The following GPBP1L1 variants were observed in gnomAD, a reference collection of about 807,000 sequenced individuals.
GPBP1L1 encodes the protein GC-rich promoter binding protein 1 like 1.
GPBP1L1 carries 23 observed loss-of-function variants against 52.5 expected under a neutral mutation model. That is an observed-to-expected ratio of 0.44 (90% confidence interval 0.32 to 0.62). The LOEUF is 0.62. GPBP1L1 is among the 20% of genes least tolerant of loss of function. The pLI is 0.06. For synonymous variants in GPBP1L1, 243 were observed against 203.1 expected, an observed-to-expected ratio of 1.20 and a Z score of -1.67; for missense variants, 596 against 579.3, an observed-to-expected ratio of 1.03 and a Z score of -0.30.
chr1:45,633,849 T>C, intron 9 of GPBP1L1: 1 of 663,878 alleles, frequency 1.5e-6, no homozygotes, highest in African/African-American at 1.8e-5. Context: ...TGGCACCTCT[T>C]TGATCTTTCT....
At chr1:45,652,231 A>G (rs894106130) in intron 6 of GPBP1L1, among the ~76,000 whole-genome samples, 2 of 152,228 alleles carry the variant, frequency 1.3e-5, no homozygotes, top group African/African-American at 2.4e-5. Flanking sequence ...CTAGTTGAGA[A>G]CCACTAAGCT....
chr1:45,678,761 T>A (rs1043415819), intron 2 of GPBP1L1, among the ~76,000 whole-genome samples: 2 of 152,198 alleles, frequency 1.3e-5, no homozygotes, highest in South Asian at 4.1e-4. Flanking sequence ...ATGGCTTGGA[T>A]AGCTAGCTGT....
In GPBP1L1 at chr1:45,654,717, TC is replaced by T. The variant is rs1644862524; in HGVS notation, c.302del (p.Arg101GlnfsTer6). The T allele has an allele frequency of 6.2e-7, 1 of 1,614,066 alleles. No homozygotes were observed. Among genetic ancestry groups the T allele is most frequent in the Non-Finnish European group, 8.5e-7 (1 of 1,180,044 alleles). On this transcript the variant is annotated frameshift_variant, in exon 6 of 13. Transcript: ENST00000355105. LOFTEE classifies it high-confidence loss of function. Reference sequence around the variant, plus strand: ...TACGTTGGCTCATGCCATCATGACCTCGGGAAGAGCTATGCCAACCAGATGG... The same window carrying T: ...TACGTTGGCTCATGCCATCATGACCTGGGAAGAGCTATGCCAACCAGATGG... Reference protein sequence around the residue: ...GNPSGWHSSSRGHDGMSQRSG... With the variant: ...GNPSGWHSSSXGHDGMSQRSG...
chr1:45,679,241 G>A (rs1197481877), intron 2 of GPBP1L1, among the ~76,000 whole-genome samples: 3 of 152,180 alleles, frequency 2.0e-5, no homozygotes, highest in Non-Finnish European at 2.9e-5. Context: ...TTCAGAGGAC[G>A]AAGCAGAGGC....
In GPBP1L1 at chr1:45,628,372, G is replaced by T; in HGVS notation, c.1309C>A (p.Gln437Lys). The T allele has an allele frequency of 1.2e-6, 2 of 1,614,018 alleles. No homozygotes were observed. Among genetic ancestry groups the T allele is most frequent in the Non-Finnish European group, 1.7e-6 (2 of 1,180,002 alleles). ...RNGFGKNGFL[Q>K]SRSSSLFSPW... ...GAGAACAGACTGGAACTGCGGCTCT[G>T]CAAGAAGCCATTCTTTCCAAAGCCA... is the stretch of plus-strand genomic sequence containing the variant. The change falls in exon 13 of 13, where the codon CAG (glutamine) becomes AAG (lysine). Residue 437 changes from glutamine to lysine, a missense_variant. By Grantham distance (53) the Gln-to-Lys change is moderately conservative. Transcript: ENST00000355105.
intron 6 of GPBP1L1, among the ~76,000 whole-genome samples, chr1:45,650,554 C>A (rs1253927093): frequency 1.3e-5 from 2 of 152,130 alleles, no homozygotes; most frequent in South Asian, 2.1e-4. Flanking sequence ...GTTAATTACA[C>A]GAAACCAATA....
chr1:45,648,581 T>G (rs1412602946), intron 6 of GPBP1L1, among the ~76,000 whole-genome samples: 1 of 152,254 alleles, frequency 6.6e-6, no homozygotes, highest in Non-Finnish European at 1.5e-5. Flanking sequence ...AATGCTAGTA[T>G]TAACCAAGCC....
At chr1:45,640,078 G>C (rs976059931) in intron 8 of GPBP1L1, 132 bp downstream of exon 8, 21 of 614,632 alleles carry the variant, frequency 3.4e-5, no homozygotes, top group Admixed American at 8.7e-5. Flanking sequence ...AAAGAAAGCT[G>C]TATACATATA....
chr1:45,663,981 G>A (rs973297375), intron 2 of GPBP1L1, among the ~76,000 whole-genome samples: 7 of 151,644 alleles, frequency 4.6e-5, no homozygotes, highest in African/African-American at 1.7e-4. Flanking sequence ...AGACAATAGA[G>A]CAGGGTCCTG....
At chr1:45,648,971 A>G (rs1644787316) in intron 6 of GPBP1L1, among the ~76,000 whole-genome samples, 1 of 152,252 alleles carries the variant, frequency 6.6e-6, no homozygotes, top group African/African-American at 2.4e-5. Context: ...CGCAGGTTGC[A>G]GTGAGCCAAG....
At position 45,633,555 on chromosome 1, in the gene GPBP1L1, C is replaced by T. The variant is rs755192059; in HGVS notation, c.978G>A (p.Leu326=). The T allele has an allele frequency of 1.3e-5, 21 of 1,614,034 alleles. No homozygotes were observed. The highest frequency in any genetic ancestry group is 1.7e-5 in the Non-Finnish European group (20 of 1,180,002). The part of the protein sequence containing the change: ...RRTTDRKSEF[L]KTLKDDRNGD... ...CATTCCGGTCATCCTTCAGAGTTTT[C>T]AGGAACTCACTCTTCCTGTCGGTGG... The change falls in exon 10 of 13, where the codon CTG becomes CTA. Residue 326 remains leucine, a synonymous_variant. Transcript: ENST00000355105.
chr1:45,636,680 T>C (rs899764614), intron 8 of GPBP1L1, among the ~76,000 whole-genome samples: 1 of 152,226 alleles, frequency 6.6e-6, no homozygotes, highest in Admixed American at 6.5e-5. Flanking sequence ...AATTAGGATG[T>C]TTCAAAAACT....
chr1:45,649,424 T>C (rs1275009281), intron 6 of GPBP1L1, among the ~76,000 whole-genome samples: 1 of 151,770 alleles, frequency 6.6e-6, no homozygotes, highest in Non-Finnish European at 1.5e-5. Context: ...TTGTTTTTAG[T>C]TGTCATATCT....
At chr1:45,640,573 G>T (rs1376193900) in intron 7 of GPBP1L1, among the ~76,000 whole-genome samples, 170 bp from the exon 8 acceptor site, 1 of 152,104 alleles carries the variant, frequency 6.6e-6, no homozygotes, top group Non-Finnish European at 1.5e-5. Flanking sequence ...GACTACTCAG[G>T]AACTGTACAA....
Position 45,660,874 on chromosome 1 carries a change from T to C in GPBP1L1, c.-746A>G, listed in dbSNP as rs888341436. On this transcript the variant is annotated 5_prime_UTR_variant, in exon 3 of 13. Coordinates refer to ENST00000355105, the MANE Select transcript of GPBP1L1 (RefSeq NM_021639.5). ...AAATAGACAGGAATTTGCTACACTT[T>C]TCCCTCCACGAACAGCAGCTTTCAA... The C allele has an allele frequency of 2.6e-5, 4 of 152,278 alleles. No homozygotes were observed. Among genetic ancestry groups the C allele is most frequent in the African/African-American group, 9.6e-5 (4 of 41,474 alleles). 9.4% of individuals were successfully genotyped at this position (152,278 alleles called of 1,614,324 possible).
chr1:45,658,622 G>C (rs1269541206), intron 4 of GPBP1L1: 1 of 180,880 alleles, frequency 5.5e-6, no homozygotes, highest in Non-Finnish European at 1.1e-5. Context: ...ACACGAGGTT[G>C]AATATATTAA....
chr1:45,655,053 TA>T (rs1644868340), intron 5 of GPBP1L1, 136 bp downstream of exon 5: 2 of 1,134,834 alleles, frequency 1.8e-6, no homozygotes, highest in Non-Finnish European at 2.6e-6. Flanking sequence ...TGTAGTTGCG[TA>T]ATGACTACTA....
intron 2 of GPBP1L1, 46 bp downstream of exon 2, chr1:45,685,526 GCACC>G (rs1481764106): frequency 6.6e-6 from 1 of 152,076 alleles, no homozygotes; most frequent in Admixed American, 6.5e-5. Context: ...CCACCGCACC[GCACC>G]CATTCTTATG....
rs1644871565 is a variant in GPBP1L1 at position 45,655,289 on chromosome 1, C to T, written c.91G>A (p.Glu31Lys). 1 of 1,614,052 alleles carries T rather than the reference C, an allele frequency of 6.2e-7. No individual in the cohort carries two copies. The highest frequency in any genetic ancestry group is 2.2e-5 in the East Asian group (1 of 44,876). The change falls in exon 5 of 13, where the codon GAG becomes AAG. Residue 31 changes from glutamate to lysine, a missense_variant. Transcript: ENST00000355105. The stretch of plus-strand genomic sequence containing the variant: ...CTACCTTCTCCTCTGGGTAGGTGCT[C>T]TCCGTGTTTTTCGAAGGTGGCAGTA... ...SPTATFEKHG[E>K]HLPRGEGRFG... is the part of the protein sequence containing the mutation.
Sources: gnomAD v4.1 joint callset for allele counts (sites outside exome capture counted in the v4.1 genomes callset) on GRCh38, gnomAD v4.1.1 for gene constraint, MANE v1.5 for transcripts, NCBI Gene and HGNC (gene_info 2026-07-23, HGNC 2026-07-21) for gene names.